Variants in SLIT3 observed in about 807,000 individuals in gnomAD.
SLIT3 encodes slit homolog 3 protein.
SLIT3 carries 68 observed loss-of-function variants against 184.0 expected under a neutral mutation model. That is an observed-to-expected ratio of 0.37 (90% CI 0.30 to 0.45). SLIT3 has a LOEUF of 0.45. Among genes scored for constraint, SLIT3 ranks in the 20% least tolerant of loss-of-function variants. SLIT3 has a pLI of 1.00. For synonymous variants in SLIT3, 831 were observed against 828.6 expected, an observed-to-expected ratio of 1.00 and a Z score of -0.05; for missense variants, 1,707 against 2,026.0, an observed-to-expected ratio of 0.84 and a Z score of 3.02.
intron 1 of SLIT3, among the ~76,000 whole-genome samples, chr5:169,270,226 G>A (rs141768990): frequency 5.9e-5 from 9 of 152,224 alleles, no homozygotes; most frequent in Non-Finnish European, 1.0e-4. Flanking sequence ...TTCAATCAGC[G>A]TTTATGAATG....
At chr5:169,131,884 A>T (rs1397410772) in intron 4 of SLIT3, among the ~76,000 whole-genome samples, 1 of 152,206 alleles carries the variant, frequency 6.6e-6, no homozygotes, top group African/African-American at 2.4e-5. Context: ...CTTCTTAAAT[A>T]TCAAACAAAG....
At chr5:168,960,238 G>C (rs1270630522) in intron 4 of SLIT3, among the ~76,000 whole-genome samples, 1 of 152,204 alleles carries the variant, frequency 6.6e-6, no homozygotes, top group Non-Finnish European at 1.5e-5. Flanking sequence ...TCGGTGCTTG[G>C]TGATTCTCTG....
chr5:169,300,775 G>C lies in SLIT3; in HGVS notation c.-66C>G. ...GGGCAAGACGCGTGGAGCCCGAGGA[G>C]GCGCGCGGGGAGCGCGGGCGGCCTG... On this transcript the variant is annotated 5_prime_UTR_variant, in exon 1 of 36. Coordinates refer to ENST00000519560, the MANE Select transcript of SLIT3 (RefSeq NM_003062.4). The surrounding 1 kb of genome is among the most constrained non-coding windows in gnomAD (Gnocchi z 4.1). 1 of 1,245,756 alleles carries C rather than the reference G, an allele frequency of 8.0e-7. No individual in the cohort carries two copies. The highest frequency in any genetic ancestry group is 1.0e-6 in the Non-Finnish European group (1 of 997,280). The allele number at this position is 1,245,756 out of a possible 1,614,324, so 77.2% of individuals were successfully genotyped here. A position where few individuals can be genotyped will look rare whatever the true frequency, so the allele number is the denominator to read the frequency against.
intron 20 of SLIT3, among the ~76,000 whole-genome samples, chr5:168,734,704 C>T (rs1031465171): frequency 1.3e-5 from 2 of 152,210 alleles, no homozygotes. Flanking sequence ...CTTTTCATCA[C>T]AGCATTTGAC....
At chr5:168,894,398 T>C (rs1402784576) in intron 4 of SLIT3, among the ~76,000 whole-genome samples, 1 of 152,236 alleles carries the variant, frequency 6.6e-6, no homozygotes. Flanking sequence ...TTTTATGCCA[T>C]TGCTTGGTCC....
intron 28 of SLIT3, among the ~76,000 whole-genome samples, chr5:168,693,177 C>T (rs1761957202): frequency 6.6e-6 from 1 of 152,152 alleles, no homozygotes; most frequent in Admixed American, 6.5e-5. Flanking sequence ...AATAAGCAGG[C>T]AATTACAATA....
chr5:168,768,000 C>T (rs899865085), intron 14 of SLIT3: 19 of 324,248 alleles, frequency 5.9e-5, no homozygotes, highest in African/African-American at 3.7e-4. Flanking sequence ...ACCCATTTCC[C>T]TCTGTATCTG....
chr5:168,786,723 G>A (rs1756166597), intron 11 of SLIT3, among the ~76,000 whole-genome samples: 1 of 152,102 alleles, frequency 6.6e-6, no homozygotes, highest in African/African-American at 2.4e-5. Context: ...GAAGGCTACT[G>A]GGTCTCCCAC....
chr5:168,675,719 CA>C (rs1333208059), intron 32 of SLIT3, among the ~76,000 whole-genome samples: 1 of 152,110 alleles, frequency 6.6e-6, no homozygotes, highest in Non-Finnish European at 1.5e-5. Flanking sequence ...ACAACAACAA[CA>C]AAAGAGCGCT....
chr5:169,257,442 A>C (rs1178006283), intron 1 of SLIT3, among the ~76,000 whole-genome samples: 1 of 147,424 alleles, frequency 6.8e-6, no homozygotes, highest in Non-Finnish European at 1.5e-5. Flanking sequence ...TCAAGAAATA[A>C]CTCCTAAACC....
intron 4 of SLIT3, among the ~76,000 whole-genome samples, chr5:169,020,952 G>C (rs1469228444): frequency 6.6e-6 from 1 of 152,198 alleles, no homozygotes; most frequent in Non-Finnish European, 1.5e-5. Flanking sequence ...AGGGGAGACG[G>C]AACAGTGAAG....
rs935162149 is a variant in SLIT3, at chr5:168,923,738, G to C, written c.414-40402C>G. Among the ~76,000 whole-genome samples the C allele has an allele frequency of 2.6e-5, 4 of 152,256 alleles. No individual in the cohort carries two copies. In the South Asian group the frequency reaches 8.3e-4, roughly 32 times the overall value. On this transcript the variant is annotated intron_variant, in intron 4 of 35. Transcript: ENST00000519560. ...TCACCATGTTGGGCAGGCTGGTCTT[G>C]AACTCCTGACCTCGTGATCCACCCA...
At chr5:168,883,174 G>A (rs1938450952) in intron 5 of SLIT3, 91 bp downstream of exon 5, 1 of 1,002,142 alleles carries the variant, frequency 1.0e-6, no homozygotes, top group Non-Finnish European at 1.6e-6. Flanking sequence ...AAGGCACCTG[G>A]ACCACCCTCT....
intron 4 of SLIT3, among the ~76,000 whole-genome samples, chr5:169,153,026 G>A (rs1304154939): frequency 6.6e-6 from 1 of 152,226 alleles, no homozygotes; most frequent in Non-Finnish European, 1.5e-5. Context: ...ACCTTCAGAA[G>A]GCTCTGAATG....
At chr5:168,687,789 T>C (rs13354299) in intron 29 of SLIT3, among the ~76,000 whole-genome samples, 5,057 of 152,270 alleles carry the variant, frequency 0.033, 288 homozygotes, top group African/African-American at 0.11. Context: ...TGAAGAGGAA[T>C]ACGATACTGT....
chr5:168,991,881 A>G (rs1755343918), intron 4 of SLIT3, among the ~76,000 whole-genome samples: 1 of 151,114 alleles, frequency 6.6e-6, no homozygotes, highest in Admixed American at 6.6e-5. Flanking sequence ...CTGACCCAGG[A>G]GCCTGGGGTG....
At chr5:168,751,344 C>T (rs534746523) in intron 18 of SLIT3, among the ~76,000 whole-genome samples, 3 of 152,180 alleles carry the variant, frequency 2.0e-5, no homozygotes, top group African/African-American at 4.8e-5. Flanking sequence ...AATAAACCAG[C>T]GACTAAGGAT....
intron 4 of SLIT3, among the ~76,000 whole-genome samples, chr5:168,948,496 G>A (rs542162302): frequency 6.6e-6 from 1 of 152,300 alleles, no homozygotes; most frequent in African/African-American, 2.4e-5. Context: ...ATGATTGTGA[G>A]GTCGGGAGAC....
At chr5:169,133,423 T>A (rs1761376804) in intron 4 of SLIT3, among the ~76,000 whole-genome samples, 1 of 152,214 alleles carries the variant, frequency 6.6e-6, no homozygotes, top group Non-Finnish European at 1.5e-5. Context: ...CGTTGAGCTG[T>A]GTCATCTATG....
Sources: gnomAD v4.1 joint callset for allele counts (sites outside exome capture counted in the v4.1 genomes callset) on GRCh38, gnomAD v4.1.1 for gene constraint, Gnocchi (gnomAD v3.1) non-coding constraint, MANE v1.5 for transcripts, NCBI Gene and HGNC (gene_info 2026-07-23, HGNC 2026-07-21) for gene names.